Variants in DPYSL5 observed in about 807,000 individuals in gnomAD.
The protein encoded by DPYSL5 is dihydropyrimidinase like 5.
A neutral mutation model predicts 58.4 loss-of-function variants in DPYSL5; 9 were observed. That is an observed-to-expected ratio of 0.15 (90% confidence interval 0.09 to 0.27). The LOEUF is 0.27. Among genes scored for constraint, DPYSL5 ranks in the 10% least tolerant of loss-of-function variants. DPYSL5 has a pLI of 1.00. For synonymous variants in DPYSL5, 293 were observed against 301.9 expected (o/e 0.97, Z 0.31); for missense variants, 499 against 770.6 (o/e 0.65, Z 4.17).
intron 1 of DPYSL5, among the ~76,000 whole-genome samples, chr2:26,870,526 T>C (rs1026307283): frequency 6.6e-6 from 1 of 152,100 alleles, no homozygotes; most frequent in African/African-American, 2.4e-5. Context: ...GTACTACCAT[T>C]ATTAGGCTTT....
intron 6 of DPYSL5, among the ~76,000 whole-genome samples, chr2:26,932,568 T>A (rs1665060816): frequency 6.6e-6 from 1 of 152,260 alleles, no homozygotes; most frequent in South Asian, 2.1e-4. Flanking sequence ...TGACAATAGT[T>A]ATTTATCAAT....
chr2:26,898,807 T>C lies in DPYSL5; in HGVS notation c.261+47T>C. ...GGTGGCTTCCTCTTTGGCTTTTTTA[T>C]TCTGCTTCTAGGGCTGCTCCAGACT... On this transcript the variant is annotated intron_variant, in intron 2 of 12. Transcript: ENST00000288699. The surrounding 1 kb of genome is among the most constrained non-coding windows in gnomAD (Gnocchi z 6.1). 1 of 1,565,126 alleles carries C rather than the reference T, an allele frequency of 6.4e-7. No homozygotes were observed. Among genetic ancestry groups the C allele is most frequent in the Non-Finnish European group, 8.7e-7 (1 of 1,153,428 alleles).
At chr2:26,892,264 T>C (rs1663899607) in intron 1 of DPYSL5, among the ~76,000 whole-genome samples, 1 of 152,228 alleles carries the variant, frequency 6.6e-6, no homozygotes, top group African/African-American at 2.4e-5. Flanking sequence ...GCTGTGTGAA[T>C]GCATGTAAAG....
chr2:26,848,987 G>A (rs965274424), intron 1 of DPYSL5, among the ~76,000 whole-genome samples: 1 of 152,186 alleles, frequency 6.6e-6, no homozygotes, highest in African/African-American at 2.4e-5. Flanking sequence ...CCTGGGGACG[G>A]GGCTGTAGTC....
chr2:26,861,690 A>G (rs940209921), intron 1 of DPYSL5, among the ~76,000 whole-genome samples: 2 of 152,088 alleles, frequency 1.3e-5, no homozygotes, highest in African/African-American at 4.8e-5. Flanking sequence ...TGTTTCAATT[A>G]CTTGTGGACA....
intron 1 of DPYSL5, among the ~76,000 whole-genome samples, chr2:26,857,491 GA>G (rs1665908421): frequency 6.6e-6 from 1 of 151,532 alleles, no homozygotes; most frequent in Admixed American, 6.6e-5. Context: ...AGTGAGCCGA[GA>G]TTGCTCCACT....
At chr2:26,872,576 G>A (rs1244618998) in intron 1 of DPYSL5, among the ~76,000 whole-genome samples, 3 of 152,094 alleles carry the variant, frequency 2.0e-5, no homozygotes. Context: ...TGTAATCCCA[G>A]CTACTCAGGA....
intron 1 of DPYSL5, among the ~76,000 whole-genome samples, chr2:26,869,388 C>T (rs1431271527): frequency 6.6e-6 from 1 of 152,042 alleles, no homozygotes; most frequent in Non-Finnish European, 1.5e-5. Context: ...AGTTGTGTAA[C>T]CATCATATAG....
chr2:26,856,956 C>CATATATAA (rs1558319139), intron 1 of DPYSL5, among the ~76,000 whole-genome samples: 1 of 143,638 alleles, frequency 7.0e-6, no homozygotes, highest in African/African-American at 2.8e-5. Flanking sequence ...ATATATTATA[C>CATATATAA]TAGTTTTCAA....
At chr2:26,894,114 T>C (rs1161481197) in intron 1 of DPYSL5, among the ~76,000 whole-genome samples, 1 of 150,958 alleles carries the variant, frequency 6.6e-6, no homozygotes, top group Non-Finnish European at 1.5e-5. Context: ...TCCTTATTAT[T>C]ATAGATAATT....
intron 1 of DPYSL5, among the ~76,000 whole-genome samples, chr2:26,851,923 G>T (rs1165300083): frequency 6.6e-6 from 1 of 152,038 alleles, no homozygotes; most frequent in Non-Finnish European, 1.5e-5. Flanking sequence ...CTCCAGCCTG[G>T]GCAACAGAGT....
rs1279555485 is a variant in DPYSL5 at position 26,931,201 on chromosome 2, GTGTATATA to G, written c.670-437_670-430del. On this transcript the variant is annotated intron_variant, in intron 5 of 12. Transcript: ENST00000288699. ...TGTGTGTGTGTGTGTGTGTGTGTGT[GTGTATATA>G]TATATATATATATATATATATGAAT... Among the ~76,000 whole-genome samples, 36 of 54,560 alleles carry G rather than the reference GTGTATATA, an allele frequency of 6.6e-4. 2 individuals carry two copies. The highest frequency in any genetic ancestry group is 2.0e-3 in the East Asian group (3 of 1,516). The allele number at this position is 54,560 out of a possible 152,430, so 35.8% of individuals were successfully genotyped here.
intron 1 of DPYSL5, among the ~76,000 whole-genome samples, chr2:26,879,732 T>A (rs1409027089): frequency 6.6e-6 from 1 of 152,206 alleles, no homozygotes; most frequent in Admixed American, 6.5e-5. Context: ...TCAGTTGCCA[T>A]CTTCCAACTG....
At chr2:26,873,429 TA>T (rs1219442233) in intron 1 of DPYSL5, among the ~76,000 whole-genome samples, 4 of 152,108 alleles carry the variant, frequency 2.6e-5, no homozygotes, top group Non-Finnish European at 5.9e-5. Flanking sequence ...AGGCGACATA[TA>T]GCAATGTCTG....
At chr2:26,932,328 T>C (rs1417348838) in intron 6 of DPYSL5, among the ~76,000 whole-genome samples, 3 of 152,176 alleles carry the variant, frequency 2.0e-5, no homozygotes, top group Non-Finnish European at 4.4e-5. Flanking sequence ...CTGAGCGCTG[T>C]CATGCCCACC....
In DPYSL5 at chr2:26,942,516, T is replaced by G. The variant is rs748943862; in HGVS notation, c.1233-27T>G. On this transcript the variant is annotated intron_variant, in intron 10 of 12. Coordinates refer to ENST00000288699, the MANE Select transcript of DPYSL5 (RefSeq NM_020134.4). The surrounding 1 kb of genome is among the most constrained non-coding windows in gnomAD (Gnocchi z 5.9). ...ACATTTTGACCTGTCCTCAGCGCTT[T>G]CTCTCCCGCCATTGCCTCCCCACCA... The G allele has an allele frequency of 6.2e-7, 1 of 1,605,738 alleles. No homozygotes were observed. Among genetic ancestry groups the G allele is most frequent in the Non-Finnish European group, 8.5e-7 (1 of 1,175,824 alleles).
chr2:26,937,323 T>C (rs1665205896), intron 8 of DPYSL5, among the ~76,000 whole-genome samples: 1 of 152,188 alleles, frequency 6.6e-6, no homozygotes, highest in African/African-American at 2.4e-5. Context: ...AATCCCTTTT[T>C]AATCCCTTTT....
rs886908617 is a variant in DPYSL5, at chr2:26,877,211, C to T, written c.-4-21285C>T. On this transcript the variant is annotated intron_variant, in intron 1 of 12. Coordinates refer to ENST00000288699, the MANE Select transcript of DPYSL5 (RefSeq NM_020134.4). The surrounding 1 kb of genome is among the most constrained non-coding windows in gnomAD (Gnocchi z 4.1). ...GAACTCCTGACCTCAGGTGATCTGC[C>T]GGCCTCCGCCTCCCAAAGTGCTGGG... Among the ~76,000 whole-genome samples the T allele has an allele frequency of 3.9e-5, 6 of 152,018 alleles. No homozygotes were observed. Among genetic ancestry groups the T allele is most frequent in the Admixed American group, 6.5e-5 (1 of 15,278 alleles).
At chr2:26,943,190 G>A (rs1218295943) in intron 11 of DPYSL5, among the ~76,000 whole-genome samples, 2 of 152,140 alleles carry the variant, frequency 1.3e-5, no homozygotes, top group Admixed American at 6.5e-5. Flanking sequence ...GGAGGAGCAG[G>A]CACCTGAACA....
Sources: gnomAD v4.1 joint callset for allele counts (sites outside exome capture counted in the v4.1 genomes callset) on GRCh38, gnomAD v4.1.1 for gene constraint, Gnocchi (gnomAD v3.1) non-coding constraint, MANE v1.5 for transcripts, NCBI Gene and HGNC (gene_info 2026-07-23, HGNC 2026-07-21) for gene names.